The following ACAP1 variants were observed in gnomAD, a reference collection of about 807,000 sequenced individuals.
ACAP1 encodes arf-GAP with coiled-coil, ANK repeat and PH domain-containing protein 1.
Under a neutral mutation model 98.8 loss-of-function variants are expected in ACAP1, and 45 were observed. The ratio of observed to expected loss-of-function variants is 0.46; its 90% CI spans 0.36 to 0.58. The LOEUF (loss-of-function observed/expected upper bound fraction) is 0.58. Among genes scored for constraint, ACAP1 ranks in the 20% least tolerant of loss-of-function variants. The probability of loss-of-function intolerance (pLI) is 0.00; values close to 1 mark genes in which losing one functional copy is unlikely to be tolerated. For missense variants in ACAP1, 735 were observed against 971.4 expected, an observed-to-expected ratio of 0.76 and a Z score of 3.24; for synonymous variants, 362 against 375.3, an observed-to-expected ratio of 0.96 and a Z score of 0.41.
rs76630069 is a variant in ACAP1 at position 7,342,342 on chromosome 17, G to T, written c.285+14G>T. 71 of 1,614,142 alleles carry T rather than the reference G, an allele frequency of 4.4e-5. No individual in the cohort carries two copies. The South Asian group carries it at 7.5e-4, about 17-fold the overall frequency. On this transcript the variant is annotated intron_variant, in intron 4 of 21. Transcript: ENST00000158762. ...GACAGCCATGCGGTAAGTAGGGGAA[G>T]GTAAGGATTGTCGGGGTGGTGGCCA... is the stretch of plus-strand genomic sequence containing the variant.
Position 7,351,005 on chromosome 17 carries a change from G to C in ACAP1, c.2122+6G>C, listed in dbSNP as rs554041157. 6.2e-7 allele frequency: 1 copy of C among 1,614,076 alleles called. No individual in the cohort carries two copies. Among genetic ancestry groups the C allele is most frequent in the Non-Finnish European group, 8.5e-7 (1 of 1,179,922 alleles). On this transcript the variant is annotated splice_donor_region_variant and intron_variant, in intron 21 of 21. Transcript: ENST00000158762. ...AGCGGCCCAGGGGCAGGCAGGTAAAGAATACACCCACCCCACCCCCCAGGC... is the reference window on the plus strand; with the variant it reads ...AGCGGCCCAGGGGCAGGCAGGTAAACAATACACCCACCCCACCCCCCAGGC...
chr17:7,344,488 G>A lies in ACAP1; in HGVS notation c.745-51G>A. 1.5e-6 allele frequency: 2 copies of A among 1,337,782 alleles called. No homozygotes were observed. The highest frequency in any genetic ancestry group is 2.4e-4 in the Middle Eastern group (1 of 4,222). The allele number at this position is 1,337,782 out of a possible 1,614,324, so 82.9% of individuals were successfully genotyped here. A position where few individuals can be genotyped will look rare whatever the true frequency, so the allele number is the denominator to read the frequency against. On this transcript the variant is annotated intron_variant, in intron 9 of 21. Coordinates refer to ENST00000158762, the MANE Select transcript of ACAP1 (RefSeq NM_014716.4). This position sits in a 1 kb window ranked among gnomAD's most constrained non-coding sequence, Gnocchi z 4.9. ...TGTGGGCAGGAGGCAGATGCCTATG[G>A]CCTTGGTGTCTGCCCATCTCAGTTG...
chr17:7,337,556 A>T (rs555710562), intron 2 of ACAP1, among the ~76,000 whole-genome samples, 187 bp downstream of exon 2: 3 of 152,124 alleles, frequency 2.0e-5, no homozygotes, highest in Non-Finnish European at 4.4e-5. Context: ...ATCTTGGAAA[A>T]CAAGACTTAC....
Position 7,350,492 on chromosome 17 carries a change from CCAT to C in ACAP1, c.2072+258_2072+260del, listed in dbSNP as rs781089928. The stretch of plus-strand genomic sequence containing the variant: ...GCCCACCCTGAGAGGCGTAATTCGC[CCAT>C]CAACATTGCTGTCAGGCATCTTTTT... On this transcript the variant is annotated intron_variant, in intron 20 of 21. Transcript: ENST00000158762. The surrounding 1 kb of genome is among the most constrained non-coding windows in gnomAD (Gnocchi z 4.6). The C allele has an allele frequency of 7.2e-6, 4 of 557,470 alleles. No homozygotes were observed. In the East Asian group the frequency reaches 9.0e-5, roughly 13 times the overall value. 34.5% of individuals were successfully genotyped at this position (557,470 alleles called of 1,614,324 possible). A position where few individuals can be genotyped will look rare whatever the true frequency, so the allele number is the denominator to read the frequency against.
Position 7,349,064 on chromosome 17 carries a change from C to T in ACAP1, c.1748C>T (p.Pro583Leu), listed in dbSNP as rs2073377069. 6.2e-7 allele frequency: 1 copy of T among 1,613,954 alleles called. No homozygotes were observed. The highest frequency in any genetic ancestry group is 8.5e-7 in the Non-Finnish European group (1 of 1,180,020). Reference protein sequence around the residue: ...ALLFRASGHPPSLPTMADALA... With the variant: ...ALLFRASGHPLSLPTMADALA... ...CTGTTTCGAGCGTCTGGGCATCCTC[C>T]ATCTCTTCCCACCATGGCTGATGCC... Residue 583 changes from proline (P) to leucine (L), a missense_variant, in exon 18 of 22, where the codon CCA (proline) becomes CTA (leucine). Physicochemically the swap from Pro to Leu is moderately conservative, Grantham distance 98 (BLOSUM62 -3). This residue lies in a region of ACAP1 where 142 missense variants were observed against 224.1 expected (regional missense o/e 0.63). Transcript: ENST00000158762.
chr17:7,351,010 C>T lies in ACAP1; in HGVS notation c.2122+11C>T. 1 of 1,613,364 alleles carries T rather than the reference C, an allele frequency of 6.2e-7. No homozygotes were observed. Among genetic ancestry groups the T allele is most frequent in the Non-Finnish European group, 8.5e-7 (1 of 1,179,442 alleles). On this transcript the variant is annotated intron_variant, in intron 21 of 21. Transcript: ENST00000158762. ...CCCAGGGGCAGGCAGGTAAAGAATA[C>T]ACCCACCCCACCCCCCAGGCCCAAC...
intron 2 of ACAP1, among the ~76,000 whole-genome samples, chr17:7,340,918 T>TCA (rs1456530314): frequency 6.6e-6 from 1 of 152,068 alleles, no homozygotes; most frequent in Non-Finnish European, 1.5e-5. Flanking sequence ...TGACCTCAGG[T>TCA]GATCCACCCA....
chr17:7,348,286 G>C lies in ACAP1; in HGVS notation c.1509-20G>C, dbSNP rs2292066. 0.6 allele frequency: 956,651 copies of C among 1,594,356 alleles called. 292,917 individuals are homozygous for C. The highest frequency in any genetic ancestry group is 0.63 in the Non-Finnish European group (733,301 of 1,168,324). On this transcript the variant is annotated intron_variant, in intron 16 of 21. Transcript: ENST00000158762. The stretch of plus-strand genomic sequence containing the variant: ...CCTGGAGCAGAAGAGGGAAGACTGC[G>C]TGCTTCTCCCCTCCCACAGGCAGGA...
Position 7,343,524 on chromosome 17 carries a change from G to A in ACAP1, c.490G>A (p.Ala164Thr). ...EAGAALRTAR[A>T]GYRGRALDYA... ...AGGAGCTGCTTTGAGGACGGCTCGA[G>A]CTGGGTACCGGGGACGGGCACTGGA... The change falls in exon 6 of 22, where the codon GCT (alanine) becomes ACT (threonine). Residue 164 changes from alanine to threonine, a missense_variant. Transcript: ENST00000158762. The surrounding 1 kb of genome is among the most constrained non-coding windows in gnomAD (Gnocchi z 4.9). The A allele has an allele frequency of 6.2e-7, 1 of 1,613,966 alleles. No homozygotes were observed. The highest frequency in any genetic ancestry group is 8.5e-7 in the Non-Finnish European group (1 of 1,179,902).
intron 3 of ACAP1, 54 bp from the exon 4 acceptor site, chr17:7,342,221 G>A: frequency 6.2e-7 from 1 of 1,609,888 alleles, no homozygotes; most frequent in Non-Finnish European, 8.5e-7. Flanking sequence ...TCTCGAGTCG[G>A]GAGGGTGCTG....
chr17:7,346,559 C>T (rs2073348220), intron 12 of ACAP1, 68 bp downstream of exon 12: 2 of 1,394,456 alleles, frequency 1.4e-6, no homozygotes, highest in Non-Finnish European at 2.0e-6. Context: ...AGGCAGGGCC[C>T]ACCACAATGG....
At position 7,343,608 on chromosome 17, in the gene ACAP1, T is replaced by C; in HGVS notation, c.528+46T>C. ...TCCTGGGGTACCAGAGCCTCAAGTG[T>C]CACCTCGAGGCTTGGGGGTCTCCAG... On this transcript the variant is annotated intron_variant, in intron 6 of 21. Transcript: ENST00000158762. The surrounding 1 kb of genome is among the most constrained non-coding windows in gnomAD (Gnocchi z 4.9). 1 of 1,597,626 alleles carries C rather than the reference T, an allele frequency of 6.3e-7. No individual in the cohort carries two copies. The highest frequency in any genetic ancestry group is 8.6e-7 in the Non-Finnish European group (1 of 1,169,222).
At chr17:7,349,822 T>C in intron 18 of ACAP1, 123 bp from the exon 19 acceptor site, 1 of 782,792 alleles carries the variant, frequency 1.3e-6, no homozygotes, top group Non-Finnish European at 2.1e-6. Context: ...CTGTAACCCC[T>C]TCCACACTCC....
At chr17:7,342,235 C>T (rs569565336) in intron 3 of ACAP1, 40 bp from the exon 4 acceptor site, 11 of 1,612,088 alleles carry the variant, frequency 6.8e-6, no homozygotes, top group South Asian at 3.3e-5. Context: ...GGTGCTGCCA[C>T]CCCATGCCTG....
chr17:7,347,774 A>G (rs777795552), intron 14 of ACAP1, 148 bp from the exon 15 acceptor site: 2 of 652,540 alleles, frequency 3.1e-6, no homozygotes, highest in South Asian at 1.7e-5. Flanking sequence ...TGGCGGTTAC[A>G]TGGCCGCAGC....
chr17:7,350,081 G>C lies in ACAP1; in HGVS notation c.1961+27G>C. 1 of 1,613,292 alleles carries C rather than the reference G, an allele frequency of 6.2e-7. No homozygotes were observed. The highest frequency in any genetic ancestry group is 1.1e-5 in the South Asian group (1 of 91,056). On this transcript the variant is annotated intron_variant, in intron 19 of 21. Coordinates refer to ENST00000158762, the MANE Select transcript of ACAP1 (RefSeq NM_014716.4). The surrounding 1 kb of genome is among the most constrained non-coding windows in gnomAD (Gnocchi z 4.6). ...TAGGGATGATGGCATGGGGAGGAAG[G>C]CTGGGAGAAGTTGGGCGGCCGGCTG...
At chr17:7,341,293 G>A (rs986397365) in intron 2 of ACAP1, among the ~76,000 whole-genome samples, 8 of 152,158 alleles carry the variant, frequency 5.3e-5, no homozygotes, top group Non-Finnish European at 1.2e-4. Flanking sequence ...TGGGATTATA[G>A]GCACTTGGTG....
intron 2 of ACAP1, among the ~76,000 whole-genome samples, chr17:7,339,930 C>T (rs892963985): frequency 1.3e-5 from 2 of 151,994 alleles, no homozygotes; most frequent in African/African-American, 4.8e-5. Flanking sequence ...CACTATGTGA[C>T]CCTTTGAGAT....
chr17:7,350,446 G>A lies in ACAP1; in HGVS notation c.2072+209G>A. On this transcript the variant is annotated intron_variant, in intron 20 of 21. Coordinates refer to ENST00000158762, the MANE Select transcript of ACAP1 (RefSeq NM_014716.4). The surrounding 1 kb of genome is among the most constrained non-coding windows in gnomAD (Gnocchi z 4.6). ...GGAGTAGAAGGCAGGCGGGAGGGCG[G>A]GCAGGGTGCAAGGATGCTTGGCCCA... 1 of 585,966 alleles carries A rather than the reference G, an allele frequency of 1.7e-6. No individual in the cohort carries two copies. The highest frequency in any genetic ancestry group is 3.0e-6 in the Non-Finnish European group (1 of 328,484). The allele number at this position is 585,966 out of a possible 1,614,324, so 36.3% of individuals were successfully genotyped here. A position where few individuals can be genotyped will look rare whatever the true frequency, so the allele number is the denominator to read the frequency against.
Sources: allele counts gnomAD v4.1 joint callset (sites outside exome capture counted in the v4.1 genomes callset), GRCh38; gene constraint gnomAD v4.1.1; regional missense constraint gnomAD v4.1.1; non-coding constraint Gnocchi (gnomAD v3.1); transcripts MANE v1.5; gene names NCBI Gene and HGNC (gene_info 2026-07-23, HGNC 2026-07-21).